VPS13B: variants seen among roughly 807,000 people sequenced by gnomAD.
VPS13B encodes the protein vacuolar protein sorting 13 homolog B, also known as intermembrane lipid transfer protein VPS13B.
VPS13B carries 285 observed loss-of-function variants against 426.4 expected under a neutral mutation model. That is an observed-to-expected ratio of 0.67 (90% CI 0.61 to 0.74). The LOEUF is 0.74. VPS13B is among the 30% of genes least tolerant of loss of function. VPS13B has a pLI of 0.00. For synonymous variants in VPS13B, 1,676 were observed against 1,676.4 expected, an observed-to-expected ratio of 1.00 and a Z score of 0.01; for missense variants, 4,537 against 4,782.6, an observed-to-expected ratio of 0.95 and a Z score of 1.51.
intron 43 of VPS13B, among the ~76,000 whole-genome samples, chr8:99,806,096 C>T (rs2130776357): frequency 6.6e-6 from 1 of 152,322 alleles, no homozygotes; most frequent in East Asian, 1.9e-4. Flanking sequence ...TCTCCACGTG[C>T]TCTCACTCTT....
At chr8:99,262,207 T>C in intron 17 of VPS13B, among the ~76,000 whole-genome samples, 1 of 152,216 alleles carries the variant, frequency 6.6e-6, no homozygotes, top group East Asian at 1.9e-4. Context: ...TGAGATTACT[T>C]TTTGTTTCAT....
chr8:99,358,680 T>G (rs2133229341), intron 19 of VPS13B, among the ~76,000 whole-genome samples: 1 of 152,300 alleles, frequency 6.6e-6, no homozygotes, highest in Middle Eastern at 3.4e-3. Context: ...AGAGTCTCAC[T>G]TTAGGACACA....
At chr8:99,573,254 G>A (rs1825584008) in intron 31 of VPS13B, among the ~76,000 whole-genome samples, 1 of 152,166 alleles carries the variant, frequency 6.6e-6, no homozygotes. Context: ...TAGGTTGCCT[G>A]TTCACTCTGA....
At chr8:99,728,633 C>CT (rs1833454742) in intron 39 of VPS13B, among the ~76,000 whole-genome samples, 1 of 152,138 alleles carries the variant, frequency 6.6e-6, no homozygotes. Context: ...GATGCTGGCT[C>CT]TGTGTGTGAT....
chr8:99,302,916 A>G (rs1334286976), intron 19 of VPS13B, among the ~76,000 whole-genome samples: 1 of 152,178 alleles, frequency 6.6e-6, no homozygotes, highest in Non-Finnish European at 1.5e-5. Flanking sequence ...AAAAAATCCT[A>G]AGTTGAACCA....
chr8:99,723,554 G>T (rs1173160872), intron 39 of VPS13B, among the ~76,000 whole-genome samples: 1 of 152,038 alleles, frequency 6.6e-6, no homozygotes, highest in Non-Finnish European at 1.5e-5. Flanking sequence ...CAGATATTAT[G>T]ATGACTATTG....
chr8:99,875,432 A>G lies in VPS13B; in HGVS notation c.11760A>G (p.Arg3920=). 1.2e-6 allele frequency: 2 copies of G among 1,614,208 alleles called. No homozygotes were observed. Among genetic ancestry groups the G allele is most frequent in the Non-Finnish European group, 1.7e-6 (2 of 1,180,024 alleles). The change falls in exon 62 of 62, where the codon CGA becomes CGG. Residue 3920 remains arginine (R), a synonymous_variant. Transcript: ENST00000357162. ...TTGGATCCTAGGTAGATGGAGTCCG[A>G]GAGAGACTGTCAGAGCAACAGTACA... ...VACDVEVDGV[R]ERLSEQQYNR...
Position 99,861,955 on chromosome 8 carries a change from C to T in VPS13B, c.11215+9C>T. ...GGGCATCAGCCTGCTTGGTAAGGGGCTGCGGGGCCTCCCACCTGTCTGTAC... is the reference window on the plus strand; with the variant it reads ...GGGCATCAGCCTGCTTGGTAAGGGGTTGCGGGGCCTCCCACCTGTCTGTAC... On this transcript the variant is annotated intron_variant, in intron 58 of 61. Coordinates refer to ENST00000357162, the MANE Select transcript of VPS13B (RefSeq NM_152564.5). 1.3e-6 allele frequency: 2 copies of T among 1,577,496 alleles called. No individual in the cohort carries two copies. Among genetic ancestry groups the T allele is most frequent in the African/African-American group, 1.3e-5 (1 of 74,442 alleles).
chr8:99,501,881 T>C, intron 26 of VPS13B, 23 bp downstream of exon 26: 1 of 1,607,234 alleles, frequency 6.2e-7, no homozygotes, highest in East Asian at 2.2e-5. Flanking sequence ...TTTTCTTTCT[T>C]CCCTCCCTCC....
intron 35 of VPS13B, among the ~76,000 whole-genome samples, chr8:99,675,295 T>A (rs1830885948): frequency 6.6e-6 from 1 of 152,194 alleles, no homozygotes; most frequent in Non-Finnish European, 1.5e-5. Context: ...AGATTTATTC[T>A]CTGTTGAGAA....
intron 17 of VPS13B, among the ~76,000 whole-genome samples, chr8:99,257,964 C>T (rs796328213): frequency 1.6e-4 from 24 of 151,794 alleles, no homozygotes; most frequent in African/African-American, 5.3e-4. Flanking sequence ...GTATTTTCTT[C>T]CCATATGTAT....
At chr8:99,265,175 T>A (rs1818235764) in intron 17 of VPS13B, among the ~76,000 whole-genome samples, 1 of 152,138 alleles carries the variant, frequency 6.6e-6, no homozygotes, top group Non-Finnish European at 1.5e-5. Flanking sequence ...GTTCCTTTTA[T>A]TATGTTTTAA....
At chr8:99,129,455 C>T (rs1048208377) in intron 8 of VPS13B, among the ~76,000 whole-genome samples, 47 of 149,604 alleles carry the variant, frequency 3.1e-4, no homozygotes, top group African/African-American at 1.1e-3. Context: ...GTAATCCTAG[C>T]AATTTAGGAG....
At chr8:99,750,710 CTG>C (rs1423984470) in intron 39 of VPS13B, among the ~76,000 whole-genome samples, 1 of 152,112 alleles carries the variant, frequency 6.6e-6, no homozygotes, top group East Asian at 1.9e-4. Context: ...TTAGAGTTCT[CTG>C]TGCACAGATA....
intron 54 of VPS13B, among the ~76,000 whole-genome samples, chr8:99,841,568 T>G (rs1052946848): frequency 7.9e-5 from 12 of 152,194 alleles, no homozygotes; most frequent in Non-Finnish European, 1.5e-4. Flanking sequence ...CCTTTAAAAG[T>G]AGATGCTACC....
intron 30 of VPS13B, among the ~76,000 whole-genome samples, chr8:99,527,184 A>G (rs1197227240): frequency 6.6e-6 from 1 of 151,932 alleles, no homozygotes; most frequent in African/African-American, 2.4e-5. Flanking sequence ...TTTTTATAGC[A>G]ACAAAATTTT....
At chr8:99,386,990 G>A (rs527832798) in intron 20 of VPS13B, among the ~76,000 whole-genome samples, 1 of 152,048 alleles carries the variant, frequency 6.6e-6, no homozygotes, top group African/African-American at 2.4e-5. Flanking sequence ...AGAATAAAAG[G>A]TAAACTAACA....
chr8:99,818,640 G>T, intron 46 of VPS13B, 73 bp from the exon 47 acceptor site: 1 of 1,606,104 alleles, frequency 6.2e-7, no homozygotes, highest in Non-Finnish European at 8.5e-7. Flanking sequence ...TTACAAGTTT[G>T]TTTCAGCATC....
At chr8:99,269,168 C>T (rs1220851484) in intron 17 of VPS13B, among the ~76,000 whole-genome samples, 4 of 152,076 alleles carry the variant, frequency 2.6e-5, no homozygotes, top group Non-Finnish European at 5.9e-5. Flanking sequence ...TTTATAGCAG[C>T]ATGAGGATGG....
Sources: gnomAD v4.1 joint callset for allele counts (sites outside exome capture counted in the v4.1 genomes callset) on GRCh38, gnomAD v4.1.1 for gene constraint, MANE v1.5 for transcripts, NCBI Gene and HGNC (gene_info 2026-07-23, HGNC 2026-07-21) for gene names.